Variants in GALNT13 observed in about 807,000 individuals in gnomAD.
GALNT13 encodes UDP-GalNAc:polypeptide N-acetylgalactosaminyltransferase 13.
A neutral mutation model predicts 64.2 loss-of-function variants in GALNT13; 28 were observed. The observed-to-expected ratio is 0.44, with a 90% CI of 0.32 to 0.60. The LOEUF is 0.60. Ranked by LOEUF, GALNT13 falls within the 20% of genes least tolerant of loss-of-function variation. The probability of loss-of-function intolerance (pLI) is 0.05; values close to 1 mark genes in which losing one functional copy is unlikely to be tolerated. For synonymous variants in GALNT13, 214 were observed against 224.6 expected (o/e 0.95, Z 0.42); for missense variants, 577 against 669.8 (o/e 0.86, Z 1.53).
At chr2:154,050,750 A>G (rs1040261818) in intron 3 of GALNT13, among the ~76,000 whole-genome samples, 5 of 152,192 alleles carry the variant, frequency 3.3e-5, no homozygotes, top group Non-Finnish European at 7.3e-5. Flanking sequence ...AATGTAGTGA[A>G]ATAGTTTAAT....
chr2:153,407,893 G>C, the GALNT13 span, among the ~76,000 whole-genome samples: 1 of 152,166 alleles, frequency 6.6e-6, no homozygotes, highest in African/African-American at 2.4e-5. Context: ...AATTTAAAGT[G>C]GGGTCTTGCT....
the GALNT13 span, among the ~76,000 whole-genome samples, chr2:153,673,975 C>T: frequency 1.3e-5 from 2 of 152,066 alleles, no homozygotes; most frequent in African/African-American, 4.8e-5. Context: ...AATAAAATAC[C>T]TAGGAATCCA....
chr2:153,799,127 C>G, the GALNT13 span, among the ~76,000 whole-genome samples: 1 of 152,012 alleles, frequency 6.6e-6, no homozygotes, highest in African/African-American at 2.4e-5. Context: ...ATTGTGACCC[C>G]CATAAGAAGA....
chr2:153,780,214 G>GATATAT, the GALNT13 span, among the ~76,000 whole-genome samples: 17 of 128,056 alleles, frequency 1.3e-4, no homozygotes, highest in South Asian at 2.6e-4. Flanking sequence ...AGAATTTGAA[G>GATATAT]ATATATATAT....
chr2:153,109,977 G>A, the GALNT13 span, among the ~76,000 whole-genome samples: 3 of 152,072 alleles, frequency 2.0e-5, no homozygotes, highest in Non-Finnish European at 2.9e-5. Flanking sequence ...AATAGGCTGA[G>A]CGATTCTGAG....
At chr2:154,009,744 C>A (rs1389117292) in intron 3 of GALNT13, among the ~76,000 whole-genome samples, 1 of 152,126 alleles carries the variant, frequency 6.6e-6, no homozygotes, top group Non-Finnish European at 1.5e-5. Flanking sequence ...CCCGCCTCGG[C>A]CTCCCAAGGT....
At chr2:154,160,219 G>A (rs1406083460) in intron 4 of GALNT13, among the ~76,000 whole-genome samples, 4 of 152,086 alleles carry the variant, frequency 2.6e-5, no homozygotes, top group Non-Finnish European at 4.4e-5. Context: ...CTCCAATGCG[G>A]CATGCATTTA....
the GALNT13 span, among the ~76,000 whole-genome samples, chr2:153,244,483 G>A: frequency 6.6e-5 from 10 of 152,318 alleles, no homozygotes; most frequent in Non-Finnish European, 5.9e-5. Context: ...TGGTTAGGCA[G>A]TGGGTACAAC....
Position 154,099,719 on chromosome 2 carries a change from C to T in GALNT13, c.143-40618C>T, listed in dbSNP as rs1702252258. On this transcript the variant is annotated intron_variant, in intron 3 of 12. Coordinates refer to ENST00000392825, the MANE Select transcript of GALNT13 (RefSeq NM_052917.4). Reference sequence around the variant, plus strand: ...TTGGGAAGCCAAAGCAAGAGGATTGCTTGAGCCCAAAAGTTCAAGACCAGC... The same window carrying T: ...TTGGGAAGCCAAAGCAAGAGGATTGTTTGAGCCCAAAAGTTCAAGACCAGC... Among the ~76,000 whole-genome samples, 3 of 152,052 alleles carry T rather than the reference C, an allele frequency of 2.0e-5. No homozygotes were observed. The South Asian group carries it at 6.2e-4, about 31-fold the overall frequency.
the GALNT13 span, among the ~76,000 whole-genome samples, chr2:153,667,094 GAAT>G: frequency 1.3e-5 from 2 of 152,018 alleles, no homozygotes; most frequent in South Asian, 4.2e-4. Flanking sequence ...AAAGAAAAAA[GAAT>G]AAAAAAGAAT....
chr2:153,911,044 C>A (rs1688902758), intron 2 of GALNT13, among the ~76,000 whole-genome samples: 1 of 152,078 alleles, frequency 6.6e-6, no homozygotes, highest in Non-Finnish European at 1.5e-5. Flanking sequence ...ACTATTATTG[C>A]ATGGAAGTCG....
chr2:153,682,730 A>T, the GALNT13 span, among the ~76,000 whole-genome samples: 3 of 151,768 alleles, frequency 2.0e-5, no homozygotes, highest in Non-Finnish European at 4.4e-5. Context: ...TTTGATGTTT[A>T]TGATAATATG....
At chr2:153,822,566 A>T in the GALNT13 span, among the ~76,000 whole-genome samples, 6 of 152,348 alleles carry the variant, frequency 3.9e-5, no homozygotes, top group East Asian at 1.2e-3. Flanking sequence ...CAAACTAGGC[A>T]TTAAAGGAAC....
intron 3 of GALNT13, among the ~76,000 whole-genome samples, chr2:154,033,295 C>A (rs996255548): frequency 6.6e-6 from 1 of 151,642 alleles, no homozygotes; most frequent in Non-Finnish European, 1.5e-5. Flanking sequence ...AGTCATCATC[C>A]ATAAAAGAAA....
intron 3 of GALNT13, among the ~76,000 whole-genome samples, chr2:154,094,401 CTT>C (rs1701973999): frequency 6.6e-6 from 1 of 151,888 alleles, no homozygotes; most frequent in Admixed American, 6.6e-5. Context: ...ACTCCAAACT[CTT>C]ATGGTTACTA....
intron 4 of GALNT13, among the ~76,000 whole-genome samples, chr2:154,210,452 T>C (rs556426952): frequency 6.6e-6 from 1 of 152,220 alleles, no homozygotes; most frequent in South Asian, 2.1e-4. Context: ...TTCCCTCCAA[T>C]GAGAAAAATA....
the GALNT13 span, among the ~76,000 whole-genome samples, chr2:153,202,743 A>T: frequency 2.0e-5 from 3 of 152,318 alleles, no homozygotes; most frequent in East Asian, 3.9e-4. Context: ...GTGCTGGATG[A>T]TTTAAAATCA....
At chr2:153,667,111 T>C in the GALNT13 span, among the ~76,000 whole-genome samples, 1 of 152,006 alleles carries the variant, frequency 6.6e-6, no homozygotes, top group Non-Finnish European at 1.5e-5. Context: ...AAAGAATGAA[T>C]AAAACCTCCA....
At chr2:154,282,122 A>G (rs2105941607) in intron 8 of GALNT13, among the ~76,000 whole-genome samples, 1 of 152,280 alleles carries the variant, frequency 6.6e-6, no homozygotes, top group African/African-American at 2.4e-5. Context: ...AGCATTGTCT[A>G]CGTTTAATGC....
Sources: gnomAD v4.1 joint callset for allele counts (sites outside exome capture counted in the v4.1 genomes callset) on GRCh38, gnomAD v4.1.1 for gene constraint, MANE v1.5 for transcripts, NCBI Gene and HGNC (gene_info 2026-07-23, HGNC 2026-07-21) for gene names.